The following C1orf21 variants were observed in gnomAD, a reference collection of about 807,000 sequenced individuals.
The protein encoded by C1orf21 is chromosome 1 open reading frame 21.
In C1orf21, 3 loss-of-function variants were observed where a neutral mutation model predicts 18.7. The ratio of observed to expected loss-of-function variants is 0.16; its 90% CI spans 0.07 to 0.42. The LOEUF is 0.42. Among genes scored for constraint, C1orf21 ranks in the 10% least tolerant of loss-of-function variants. The pLI is 0.99. For synonymous variants in C1orf21, 41 were observed against 46.4 expected (o/e 0.88, Z 0.47); for missense variants, 104 against 143.6 (o/e 0.72, Z 1.41).
chr1:184,550,223 T>A (rs1408405541), intron 3 of C1orf21, among the ~76,000 whole-genome samples: 1 of 152,244 alleles, frequency 6.6e-6, no homozygotes, highest in Non-Finnish European at 1.5e-5. Context: ...AAAGATTTAA[T>A]ATCAAGGAAC....
At chr1:184,442,422 A>C (rs1367510703) in intron 1 of C1orf21, among the ~76,000 whole-genome samples, 2 of 152,166 alleles carry the variant, frequency 1.3e-5, no homozygotes, top group East Asian at 3.8e-4. Flanking sequence ...GATTATGATA[A>C]AGATTACGTG....
chr1:184,499,811 C>G (rs1365452813), intron 2 of C1orf21, among the ~76,000 whole-genome samples: 1 of 152,126 alleles, frequency 6.6e-6, no homozygotes, highest in Non-Finnish European at 1.5e-5. Context: ...ATGATACTGG[C>G]CTCATAGGGT....
intron 2 of C1orf21, among the ~76,000 whole-genome samples, chr1:184,487,564 C>T (rs890061439): frequency 6.6e-6 from 1 of 152,162 alleles, no homozygotes; most frequent in Non-Finnish European, 1.5e-5. Flanking sequence ...AAGTCCAAAC[C>T]AACATTTGCT....
intron 1 of C1orf21, among the ~76,000 whole-genome samples, chr1:184,472,004 G>C (rs1657503022): frequency 6.6e-6 from 1 of 151,980 alleles, no homozygotes; most frequent in Non-Finnish European, 1.5e-5. Flanking sequence ...AGTAGCCCAA[G>C]GATACCAAAG....
At chr1:184,617,547 T>G (rs6678018) in intron 5 of C1orf21, among the ~76,000 whole-genome samples, 151,435 of 152,324 alleles carry the variant, frequency 0.99, 75,277 homozygotes, top group East Asian at 1. Context: ...CTCCTGAGTG[T>G]TCTGGGCCAA....
At chr1:184,471,052 A>G (rs1657489464) in intron 1 of C1orf21, among the ~76,000 whole-genome samples, 1 of 152,130 alleles carries the variant, frequency 6.6e-6, no homozygotes, top group South Asian at 2.1e-4. Flanking sequence ...CTTCTCAGAA[A>G]TAGTGTCAGC....
rs74134113 is a variant in C1orf21, at chr1:184,566,966, G to A, written c.190-23773G>A. 3.2e-3 allele frequency: 1,714 copies of A among 527,880 alleles called. 23 individuals carry two copies. The highest frequency in any genetic ancestry group is 0.03 in the African/African-American group (1,549 of 51,836). 32.7% of individuals were successfully genotyped at this position (527,880 alleles called of 1,614,324 possible). Reference sequence around the variant, plus strand: ...CTACAGAAATAAGTCCACCTTCTCTGTGAATCAGGGTCCAGATGGCAATCC... The same window carrying A: ...CTACAGAAATAAGTCCACCTTCTCTATGAATCAGGGTCCAGATGGCAATCC... On this transcript the variant is annotated intron_variant, in intron 3 of 5. Transcript: ENST00000235307.
intron 2 of C1orf21, among the ~76,000 whole-genome samples, chr1:184,492,997 G>T (rs1417011872): frequency 6.6e-6 from 1 of 152,202 alleles, no homozygotes; most frequent in South Asian, 2.1e-4. Flanking sequence ...GCTGTACTCT[G>T]TTGGTCCAGC....
At position 184,597,168 on chromosome 1, in the gene C1orf21, C is replaced by T. The variant is rs144248599; in HGVS notation, c.267-1233C>T. ...GAGAGGGCGTGTTTCCCAAACAAAA[C>T]GTTTACCTTATTTGAATGATCAGAT... is the stretch of plus-strand genomic sequence containing the variant. On this transcript the variant is annotated intron_variant, in intron 4 of 5. Transcript: ENST00000235307. Among the ~76,000 whole-genome samples, 89 of 152,188 alleles carry T rather than the reference C, an allele frequency of 5.8e-4. 2 individuals carry two copies. In the East Asian group the frequency reaches 0.016, roughly 28 times the overall value.
chr1:184,564,419 TG>T, intron 3 of C1orf21, among the ~76,000 whole-genome samples: 1 of 152,284 alleles, frequency 6.6e-6, no homozygotes, highest in South Asian at 2.1e-4. Context: ...AGTGATCTCC[TG>T]CCTCAGCCTC....
chr1:184,551,605 T>C (rs933579335), intron 3 of C1orf21, among the ~76,000 whole-genome samples: 1 of 152,208 alleles, frequency 6.6e-6, no homozygotes, highest in Admixed American at 6.5e-5. Context: ...TTACATCAGC[T>C]GTGTCTGCAT....
intron 1 of C1orf21, among the ~76,000 whole-genome samples, chr1:184,460,620 G>GTCTTCTTCTTCTTCTTCTTCT (rs201481780): frequency 1.8e-5 from 2 of 112,040 alleles, no homozygotes; most frequent in African/African-American, 4.0e-5. Flanking sequence ...TGTCGTCGTC[G>GTCTTCTTCTTCTTCTTCTTCT]TCTTCTTCTT....
intron 1 of C1orf21, among the ~76,000 whole-genome samples, chr1:184,397,039 G>C (rs1219225206): frequency 6.6e-6 from 1 of 152,142 alleles, no homozygotes; most frequent in Non-Finnish European, 1.5e-5. Flanking sequence ...GTATGTAGAA[G>C]AAAACTAAAC....
At chr1:184,589,735 C>G (rs1571291978) in intron 3 of C1orf21, among the ~76,000 whole-genome samples, 1 of 152,144 alleles carries the variant, frequency 6.6e-6, no homozygotes, top group African/African-American at 2.4e-5. Context: ...TAGTTAATAA[C>G]AAACAACTAG....
intron 5 of C1orf21, 104 bp from the exon 6 acceptor site, chr1:184,619,410 TTCTG>T: frequency 8.3e-7 from 1 of 1,208,932 alleles, no homozygotes; most frequent in Non-Finnish European, 1.2e-6. Flanking sequence ...AAAGCCTGGA[TTCTG>T]TTGCAAGGAG....
At chr1:184,432,006 TA>T (rs1205138279) in intron 1 of C1orf21, among the ~76,000 whole-genome samples, 2 of 152,154 alleles carry the variant, frequency 1.3e-5, no homozygotes, top group Non-Finnish European at 2.9e-5. Context: ...TGGCGATCAT[TA>T]AAAAGTCAGG....
At chr1:184,408,274 G>A (rs1485210741) in intron 1 of C1orf21, 3 of 152,222 alleles carry the variant, frequency 2.0e-5, no homozygotes, top group Non-Finnish European at 2.9e-5. Flanking sequence ...ATTAAGACTG[G>A]AATGTTGTGT....
At chr1:184,566,228 G>A (rs1659034274) in intron 3 of C1orf21, among the ~76,000 whole-genome samples, 1 of 152,114 alleles carries the variant, frequency 6.6e-6, no homozygotes, top group Non-Finnish European at 1.5e-5. Flanking sequence ...TTGGCTGCAT[G>A]TGCCAGGGAG....
intron 1 of C1orf21, among the ~76,000 whole-genome samples, chr1:184,407,226 T>C (rs1656262648): frequency 6.6e-6 from 1 of 152,164 alleles, no homozygotes; most frequent in Non-Finnish European, 1.5e-5. Context: ...CTTCTCACTT[T>C]AGCATTCCAA....
Sources: allele counts gnomAD v4.1 joint callset (sites outside exome capture counted in the v4.1 genomes callset), GRCh38; gene constraint gnomAD v4.1.1; transcripts MANE v1.5; gene names NCBI Gene and HGNC (gene_info 2026-07-23, HGNC 2026-07-21).